MAGI2: variants seen among roughly 807,000 people sequenced by gnomAD.
The protein encoded by MAGI2 is membrane-associated guanylate kinase, WW and PDZ domain-containing protein 2.
Under a neutral mutation model 133.3 loss-of-function variants are expected in MAGI2, and 35 were observed. The ratio of observed to expected loss-of-function variants is 0.26; its 90% confidence interval spans 0.20 to 0.35. The LOEUF (loss-of-function observed/expected upper bound fraction) is 0.35, where lower values mean the gene tolerates loss of function less well. Among genes scored for constraint, MAGI2 ranks in the 10% least tolerant of loss-of-function variants. The pLI is 1.00. For missense variants in MAGI2, 1,636 were observed against 1,863.4 expected, an observed-to-expected ratio of 0.88 and a Z score of 2.25; for synonymous variants, 729 against 710.6, an observed-to-expected ratio of 1.03 and a Z score of -0.41.
intron 1 of MAGI2, among the ~76,000 whole-genome samples, chr7:79,165,594 A>T (rs1229062146): frequency 6.6e-6 from 1 of 152,136 alleles, no homozygotes; most frequent in Non-Finnish European, 1.5e-5. Flanking sequence ...ACCTGCCATG[A>T]CCAAAATTTA....
chr7:79,016,953 A>T (rs1388522726), intron 1 of MAGI2, among the ~76,000 whole-genome samples: 1 of 152,262 alleles, frequency 6.6e-6, no homozygotes, highest in Non-Finnish European at 1.5e-5. Context: ...TTGCCCATGC[A>T]AATGCATGCA....
At chr7:78,833,004 C>G (rs191296824) in intron 2 of MAGI2, among the ~76,000 whole-genome samples, 3 of 152,282 alleles carry the variant, frequency 2.0e-5, no homozygotes, top group Admixed American at 2.0e-4. Flanking sequence ...CTTGCCACGG[C>G]TCTTCTAGGC....
At chr7:78,548,562 G>T (rs1187933344) in intron 3 of MAGI2, among the ~76,000 whole-genome samples, 1 of 152,094 alleles carries the variant, frequency 6.6e-6, no homozygotes, top group Non-Finnish European at 1.5e-5. Context: ...GGGCGTGGTG[G>T]TGCATGCCTG....
At chr7:78,683,357 G>A (rs1815905696) in intron 2 of MAGI2, among the ~76,000 whole-genome samples, 1 of 152,108 alleles carries the variant, frequency 6.6e-6, no homozygotes, top group African/African-American at 2.4e-5. Flanking sequence ...CAGGAGACTT[G>A]GTACCATATA....
chr7:78,982,175 G>A (rs1250009446), intron 2 of MAGI2, among the ~76,000 whole-genome samples: 1 of 151,672 alleles, frequency 6.6e-6, no homozygotes, highest in Non-Finnish European at 1.5e-5. Flanking sequence ...ACTTATTTCT[G>A]GAAGCTAGAG....
At chr7:78,963,251 C>A (rs1803011308) in intron 2 of MAGI2, among the ~76,000 whole-genome samples, 1 of 152,094 alleles carries the variant, frequency 6.6e-6, no homozygotes, top group African/African-American at 2.4e-5. Context: ...TATTTACTAT[C>A]ACATCCATTA....
intron 2 of MAGI2, among the ~76,000 whole-genome samples, chr7:78,705,129 C>T (rs902471106): frequency 5.3e-5 from 8 of 152,016 alleles, no homozygotes; most frequent in Non-Finnish European, 1.2e-4. Context: ...TCTGTGTTCC[C>T]ATCCAAATCT....
At chr7:78,327,157 C>G (rs1357621244) in intron 9 of MAGI2, among the ~76,000 whole-genome samples, 2 of 152,154 alleles carry the variant, frequency 1.3e-5, no homozygotes, top group African/African-American at 4.8e-5. Context: ...CTGGGTATTC[C>G]TTGCCCAGCA....
In MAGI2 at chr7:78,261,476, G is replaced by A. The variant is rs151274026; in HGVS notation, c.1409-4895C>T. ...TTGTTCCTTTGTGTGAGTTCTACCCGTTCCAAGATTTCTCTACACTATATA... is the reference window on the plus strand; with the variant it reads ...TTGTTCCTTTGTGTGAGTTCTACCCATTCCAAGATTTCTCTACACTATATA... On this transcript the variant is annotated intron_variant, in intron 9 of 21. Transcript: ENST00000354212. 7.7e-3 allele frequency among the ~76,000 whole-genome samples: 1,167 copies of A among 152,086 alleles called. 11 individuals carry two copies. Among genetic ancestry groups the A allele is most frequent in the African/African-American group, 0.026 (1,097 of 41,470 alleles).
At chr7:78,593,451 G>A (rs1425557637) in intron 3 of MAGI2, among the ~76,000 whole-genome samples, 4 of 152,152 alleles carry the variant, frequency 2.6e-5, no homozygotes, top group Non-Finnish European at 4.4e-5. Context: ...GATTGGGGTG[G>A]CATTTGTGAC....
chr7:78,210,969 G>A (rs1787711199), intron 10 of MAGI2, among the ~76,000 whole-genome samples: 1 of 152,210 alleles, frequency 6.6e-6, no homozygotes, highest in Non-Finnish European at 1.5e-5. Context: ...TGAAGAAGCA[G>A]TGTCATAGTG....
chr7:78,644,607 T>TAA (rs1810650485), intron 2 of MAGI2, among the ~76,000 whole-genome samples: 2 of 152,184 alleles, frequency 1.3e-5, no homozygotes, highest in Middle Eastern at 3.4e-3. Context: ...TTGAACTAAC[T>TAA]AAAAACACAA....
intron 3 of MAGI2, among the ~76,000 whole-genome samples, chr7:78,535,637 C>T (rs565317259): frequency 6.6e-6 from 1 of 151,878 alleles, no homozygotes; most frequent in East Asian, 1.9e-4. Flanking sequence ...TTGGGAGGAA[C>T]TTACAGTTTA....
intron 1 of MAGI2, among the ~76,000 whole-genome samples, chr7:79,097,593 A>G (rs1452338442): frequency 6.6e-6 from 1 of 152,208 alleles, no homozygotes; most frequent in Non-Finnish European, 1.5e-5. Flanking sequence ...AGCAGATAAC[A>G]GAGGCTAAGA....
chr7:78,667,235 A>T (rs1001918360), intron 2 of MAGI2, among the ~76,000 whole-genome samples: 4 of 150,598 alleles, frequency 2.7e-5, no homozygotes, highest in African/African-American at 9.8e-5. Context: ...TTATGTCCAC[A>T]CCCCTGCCCA....
chr7:78,376,957 T>C (rs1794503023), intron 6 of MAGI2, among the ~76,000 whole-genome samples: 1 of 152,136 alleles, frequency 6.6e-6, no homozygotes, highest in Admixed American at 6.6e-5. Flanking sequence ...CAAAGAAAGA[T>C]TTGGGAAGCA....
At chr7:79,170,137 CTTTTTTTTTTTTTT>C (rs10539344) in intron 1 of MAGI2, among the ~76,000 whole-genome samples, 5 of 42,952 alleles carry the variant, frequency 1.2e-4, no homozygotes, top group Admixed American at 4.4e-4. Flanking sequence ...AGATATTATA[CTTTTTTTTTTTTTT>C]TTTTTTTTTT....
intron 16 of MAGI2, among the ~76,000 whole-genome samples, chr7:78,140,771 G>A (rs1044796519): frequency 6.6e-6 from 1 of 152,214 alleles, no homozygotes; most frequent in Non-Finnish European, 1.5e-5. Flanking sequence ...ACACATTTCA[G>A]AATAGCATCT....
At chr7:78,721,250 A>T (rs1820240229) in intron 2 of MAGI2, among the ~76,000 whole-genome samples, 1 of 152,180 alleles carries the variant, frequency 6.6e-6, no homozygotes, top group Non-Finnish European at 1.5e-5. Context: ...TCACCTAAGC[A>T]GTGATGTATA....
Sources: gnomAD v4.1 joint callset for allele counts (sites outside exome capture counted in the v4.1 genomes callset) on GRCh38, gnomAD v4.1.1 for gene constraint, MANE v1.5 for transcripts, NCBI Gene and HGNC (gene_info 2026-07-23, HGNC 2026-07-21) for gene names.